LYAR: variants seen among roughly 807,000 people sequenced by gnomAD.
LYAR encodes cell growth-regulating nucleolar protein.
LYAR carries 37 observed loss-of-function variants against 45.2 expected under a neutral mutation model. The ratio of observed to expected loss-of-function variants is 0.82; its 90% confidence interval spans 0.63 to 1.08. LYAR has a LOEUF of 1.08. LYAR is among the 50% of genes least tolerant of loss of function. The pLI, the probability that LYAR is intolerant of heterozygous loss-of-function variation, is 0.00. For synonymous variants in LYAR, 176 were observed against 155.1 expected, an observed-to-expected ratio of 1.14 and a Z score of -1.00; for missense variants, 493 against 451.0, an observed-to-expected ratio of 1.09 and a Z score of -0.84.
rs758619356 is a variant in LYAR at position 4,279,759 on chromosome 4, G to C, written c.238-10C>G. ...TTAATTCACTAATTTTCTACAAAAA[G>C]GGAAGAAAAAAGAAAAACTATTAAT... On this transcript the variant is annotated splice_polypyrimidine_tract_variant and intron_variant, in intron 4 of 9. Coordinates refer to ENST00000343470, the MANE Select transcript of LYAR (RefSeq NM_017816.3). The C allele has an allele frequency of 6.5e-7, 1 of 1,544,034 alleles. No individual in the cohort carries two copies. The highest frequency in any genetic ancestry group is 2.2e-5 in the East Asian group (1 of 44,572).
In LYAR at chr4:4,279,700, T is replaced by G. The variant is rs913683267; in HGVS notation, c.287A>C (p.Glu96Ala). ...KRPNVSPKVRELLEQISAFDN... is the reference protein window; with the variant it reads ...KRPNVSPKVRALLEQISAFDN... The stretch of plus-strand genomic sequence containing the variant: ...AAAAGCACTAATTTGCTCTAAAAGT[T>G]CTCTCACTTTGGGGCTGACATTGGG... Residue 96 changes from glutamate (E) to alanine (A), a missense_variant, in exon 5 of 10, where the codon GAA becomes GCA. Physicochemically the swap from Glu to Ala is moderately radical, Grantham distance 107. Coordinates refer to ENST00000343470, the MANE Select transcript of LYAR (RefSeq NM_017816.3). The G allele has an allele frequency of 6.2e-7, 1 of 1,614,022 alleles. No homozygotes were observed. Among genetic ancestry groups the G allele is most frequent in the Non-Finnish European group, 8.5e-7 (1 of 1,179,964 alleles).
intron 1 of LYAR, among the ~76,000 whole-genome samples, chr4:4,287,505 C>T (rs1719663550): frequency 6.6e-6 from 1 of 152,214 alleles, no homozygotes; most frequent in African/African-American, 2.4e-5. Context: ...CCATAGAACA[C>T]ATGATCATTA....
At chr4:4,268,999 T>C (rs7671899) in intron 8 of LYAR, 23,992 of 159,720 alleles carry the variant, frequency 0.15, 3,318 homozygotes, top group African/African-American at 0.37. Flanking sequence ...CAAACTATTA[T>C]AGAGGAACTA....
At chr4:4,285,676 A>ATATCAGATAC (rs1560098425) in intron 2 of LYAR, among the ~76,000 whole-genome samples, 1 of 152,232 alleles carries the variant, frequency 6.6e-6, no homozygotes, top group African/African-American at 2.4e-5. Flanking sequence ...ATACAACAAC[A>ATATCAGATAC]AAAAACAGTC....
In LYAR at chr4:4,278,288, C is replaced by T. The variant is rs376181043; in HGVS notation, c.429+1159G>A. 1.7e-3 allele frequency among the ~76,000 whole-genome samples: 259 copies of T among 152,132 alleles called. 3 individuals are homozygous for T. The highest frequency in any genetic ancestry group is 5.6e-3 in the African/African-American group (232 of 41,492). On this transcript the variant is annotated intron_variant, in intron 6 of 9. Coordinates refer to ENST00000343470, the MANE Select transcript of LYAR (RefSeq NM_017816.3). ...CTCTCTACATAAGTGAATCAACTCC[C>T]GATAATTTGATAAGAATGAAAGACC... is the stretch of plus-strand genomic sequence containing the variant.
intron 1 of LYAR, among the ~76,000 whole-genome samples, chr4:4,289,433 C>T (rs953471746): frequency 6.6e-6 from 1 of 152,212 alleles, no homozygotes; most frequent in African/African-American, 2.4e-5. Flanking sequence ...CTCCCTCTCT[C>T]CTCAGAGGTA....
chr4:4,274,396 G>A lies in LYAR; in HGVS notation c.803C>T (p.Ala268Val). The change falls in exon 7 of 10, where the codon GCA (alanine) becomes GTA (valine). Residue 268 changes from alanine to valine, a missense_variant. By Grantham distance (64) the Ala-to-Val change is moderately conservative. Coordinates refer to ENST00000343470, the MANE Select transcript of LYAR (RefSeq NM_017816.3). ...SASEEEARVGAGKRKRRHSEV... is the reference protein window; with the variant it reads ...SASEEEARVGVGKRKRRHSEV... ...CGAGTGCCTCCGCTTCCTCTTCCCTGCGCCCACGCGTGCCTCTTCCTCACT... is the reference window on the plus strand; with the variant it reads ...CGAGTGCCTCCGCTTCCTCTTCCCTACGCCCACGCGTGCCTCTTCCTCACT... 1 of 1,613,404 alleles carries A rather than the reference G, an allele frequency of 6.2e-7. No homozygotes were observed. The highest frequency in any genetic ancestry group is 1.7e-4 in the Middle Eastern group (1 of 6,056).
chr4:4,280,404 T>C (rs184917204), intron 4 of LYAR, among the ~76,000 whole-genome samples: 243 of 152,308 alleles, frequency 1.6e-3, no homozygotes, highest in Non-Finnish European at 2.9e-3. Flanking sequence ...TATATACGTT[T>C]TTACAGAAAC....
intron 6 of LYAR, among the ~76,000 whole-genome samples, chr4:4,275,196 A>G (rs1481926108): frequency 6.6e-6 from 1 of 152,180 alleles, no homozygotes; most frequent in African/African-American, 2.4e-5. Flanking sequence ...CAAGTCATTT[A>G]TCTTTTCCAA....
Position 4,281,808 on chromosome 4 carries a change from T to A in LYAR, c.212A>T (p.Asp71Val). ...KGYEGKTHKGDIKQQAWIQKI... is the reference protein window; with the variant it reads ...KGYEGKTHKGVIKQQAWIQKI... ...CTGAATCCACGCCTGCTGTTTGATG[T>A]CGCCTTTGTGGGTTTTACCTTCATA... Residue 71 changes from aspartate (D) to valine (V), a missense_variant, in exon 4 of 10, where the codon GAC becomes GTC. Transcript: ENST00000343470. 1 of 1,614,148 alleles carries A rather than the reference T, an allele frequency of 6.2e-7. No homozygotes were observed.
chr4:4,278,718 A>C (rs927984662), intron 6 of LYAR, among the ~76,000 whole-genome samples: 4 of 152,216 alleles, frequency 2.6e-5, no homozygotes, highest in African/African-American at 9.7e-5. Context: ...AAATAAATGA[A>C]TGAATATTAC....
At position 4,273,579 on chromosome 4, in the gene LYAR, A is replaced by G. The variant is rs1339946401; in HGVS notation, c.919+4T>C. 1.2e-6 allele frequency: 2 copies of G among 1,609,122 alleles called. No individual in the cohort carries two copies. Among genetic ancestry groups the G allele is most frequent in the Non-Finnish European group, 1.7e-6 (2 of 1,175,986 alleles). ...GTGCTCCTCAAATGACAGCAGTGAT[A>G]TACCTTTTGCAGGAGCCTCATCGTC... On this transcript the variant is annotated splice_donor_region_variant and intron_variant, in intron 8 of 9. Coordinates refer to ENST00000343470, the MANE Select transcript of LYAR (RefSeq NM_017816.3).
chr4:4,284,517 C>A (rs3775337), intron 2 of LYAR, among the ~76,000 whole-genome samples: 14 of 152,072 alleles, frequency 9.2e-5, no homozygotes, highest in African/African-American at 3.1e-4. Context: ...CAGAAAGAAA[C>A]GGAACCAAGT....
intron 8 of LYAR, among the ~76,000 whole-genome samples, chr4:4,270,268 T>TAAAA (rs11377872): frequency 1.9e-4 from 23 of 121,956 alleles, no homozygotes; most frequent in Middle Eastern, 5.3e-3. Flanking sequence ...TGTTGATTTG[T>TAAAA]AAAAAAAAAA....
chr4:4,281,183 T>G (rs1560096077), intron 4 of LYAR, among the ~76,000 whole-genome samples: 2 of 152,202 alleles, frequency 1.3e-5, no homozygotes, highest in African/African-American at 4.8e-5. Flanking sequence ...AGGGAGAGAT[T>G]AGAAGCTTCC....
chr4:4,275,839 G>A (rs1719157522), intron 6 of LYAR, among the ~76,000 whole-genome samples: 1 of 152,076 alleles, frequency 6.6e-6, no homozygotes, highest in Admixed American at 6.5e-5. Flanking sequence ...GGGATTACAG[G>A]CATGCACCAC....
rs536871160 is a variant in LYAR at position 4,279,318 on chromosome 4, T to G, written c.429+129A>C. On this transcript the variant is annotated intron_variant, in intron 6 of 9. Transcript: ENST00000343470. ...CTGCACTGCAGCCTGGGCAACAGAG[T>G]AAGACTCCATCTCAAAAAAATAAAA... The G allele has an allele frequency of 9.7e-5, 64 of 656,706 alleles. No individual in the cohort carries two copies. The East Asian group carries it at 1.5e-3, about 15-fold the overall frequency. The allele number at this position is 656,706 out of a possible 1,614,324, so 40.7% of individuals were successfully genotyped here.
intron 3 of LYAR, among the ~76,000 whole-genome samples, chr4:4,283,398 C>T (rs112947222): frequency 0.012 from 1,807 of 152,338 alleles, 42 homozygotes; most frequent in African/African-American, 0.039. Flanking sequence ...AGCCACCCAC[C>T]TTGGCCTCCC....
chr4:4,284,983 A>G (rs896565293), intron 2 of LYAR, among the ~76,000 whole-genome samples: 7 of 152,164 alleles, frequency 4.6e-5, no homozygotes, highest in Non-Finnish European at 8.8e-5. Context: ...GTTTTGGATC[A>G]CTGCCAGTGA....
Sources: allele counts gnomAD v4.1 joint callset (sites outside exome capture counted in the v4.1 genomes callset), GRCh38; gene constraint gnomAD v4.1.1; transcripts MANE v1.5; gene names NCBI Gene and HGNC (gene_info 2026-07-23, HGNC 2026-07-21).